Variants in NEURL1 observed in about 807,000 individuals in gnomAD.
NEURL1 encodes the protein E3 ubiquitin-protein ligase NEURL1.
NEURL1 carries 26 observed loss-of-function variants against 41.2 expected under a neutral mutation model. The ratio of observed to expected loss-of-function variants is 0.63; its 90% CI spans 0.46 to 0.87. NEURL1 has a LOEUF of 0.87. NEURL1 is among the 40% of genes least tolerant of loss of function. The probability of loss-of-function intolerance (pLI) is 0.00; values close to 1 mark genes in which losing one functional copy is unlikely to be tolerated. For synonymous variants in NEURL1, 400 were observed against 402.3 expected, an observed-to-expected ratio of 0.99 and a Z score of 0.07; for missense variants, 761 against 871.1, an observed-to-expected ratio of 0.87 and a Z score of 1.59.
intron 3 of NEURL1, 75 bp from the exon 4 acceptor site, chr10:103,584,461 G>A: frequency 1.0e-6 from 1 of 990,806 alleles, no homozygotes; most frequent in Non-Finnish European, 1.3e-6. Flanking sequence ...TGCGCGCGTA[G>A]GGACCGGACA....
intron 1 of NEURL1, among the ~76,000 whole-genome samples, chr10:103,524,504 T>C (rs2034421346): frequency 2.6e-5 from 4 of 152,210 alleles, no homozygotes; most frequent in African/African-American, 7.2e-5. Context: ...AGGTTTTCTT[T>C]ATAAAATCTT....
chr10:103,582,858 A>G (rs1446049150), intron 3 of NEURL1, among the ~76,000 whole-genome samples: 1 of 152,236 alleles, frequency 6.6e-6, no homozygotes, highest in African/African-American at 2.4e-5. Flanking sequence ...AGATTGACTC[A>G]CGCAGAAAGG....
chr10:103,555,841 G>T, intron 1 of NEURL1, among the ~76,000 whole-genome samples: 1 of 152,230 alleles, frequency 6.6e-6, no homozygotes, highest in East Asian at 1.9e-4. Context: ...GAGGGGACCT[G>T]CTTGTCGGCT....
At position 103,558,889 on chromosome 10, in the gene NEURL1, C is replaced by T. The variant is rs115102235; in HGVS notation, c.86-11983C>T. On this transcript the variant is annotated intron_variant, in intron 1 of 5. Coordinates refer to ENST00000369780, the MANE Select transcript of NEURL1 (RefSeq NM_004210.5). This position sits in a 1 kb window ranked among gnomAD's most constrained non-coding sequence, Gnocchi z 4.2. Reference sequence around the variant, plus strand: ...TGACGGCTGATGTGTGGGTGACACACGCACCTGCACCCAGACATTCATGTC... The same window carrying T: ...TGACGGCTGATGTGTGGGTGACACATGCACCTGCACCCAGACATTCATGTC... Among the ~76,000 whole-genome samples, 362 of 152,208 alleles carry T rather than the reference C, an allele frequency of 2.4e-3. 2 individuals are homozygous for T. The highest frequency in any genetic ancestry group is 7.8e-3 in the African/African-American group (323 of 41,516).
At chr10:103,504,909 G>A (rs1051903499) in intron 1 of NEURL1, among the ~76,000 whole-genome samples, 1 of 152,182 alleles carries the variant, frequency 6.6e-6, no homozygotes, top group African/African-American at 2.4e-5. Flanking sequence ...AGTAGGGGTT[G>A]GCCTCAGTTC....
chr10:103,559,106 G>A (rs1027322688), intron 1 of NEURL1, among the ~76,000 whole-genome samples: 4 of 152,112 alleles, frequency 2.6e-5, no homozygotes, highest in East Asian at 3.8e-4. Flanking sequence ...TTCTGCAGCC[G>A]GTCCCCCACT....
chr10:103,524,681 G>A (rs1037357402), intron 1 of NEURL1, among the ~76,000 whole-genome samples: 27 of 152,092 alleles, frequency 1.8e-4, no homozygotes, highest in Non-Finnish European at 4.0e-4. Flanking sequence ...AGTTTTCCTA[G>A]CATCATTTGT....
Position 103,571,564 on chromosome 10 carries a change from T to C in NEURL1, c.391T>C (p.Ser131Pro). The change falls in exon 3 of 6, where the codon TCC (serine) becomes CCC (proline). Residue 131 changes from serine (S) to proline (P), a missense_variant. Transcript: ENST00000369780. ...GCTGGGCTTCACCAGCAAGGACCCGTCCCGCATCCACCCTGACTCGCTGCC... is the reference window on the plus strand; with the variant it reads ...GCTGGGCTTCACCAGCAAGGACCCGCCCCGCATCCACCCTGACTCGCTGCC... ...LRLGFTSKDP[S>P]RIHPDSLPKY... The C allele has an allele frequency of 6.2e-7, 1 of 1,613,034 alleles. No individual in the cohort carries two copies.
intron 1 of NEURL1, among the ~76,000 whole-genome samples, chr10:103,497,157 C>G (rs1218199823): frequency 4.6e-5 from 7 of 152,192 alleles, no homozygotes; most frequent in African/African-American, 1.7e-4. Flanking sequence ...CCTAATAGAG[C>G]CATCACCTTT....
Position 103,571,683 on chromosome 10 carries a change from C to T in NEURL1, c.510C>T (p.Phe170=). 6.2e-7 allele frequency: 1 copy of T among 1,614,232 alleles called. No individual in the cohort carries two copies. The highest frequency in any genetic ancestry group is 8.5e-7 in the Non-Finnish European group (1 of 1,180,022). The part of the protein sequence containing the change: ...EFANEGNIIA[F]WVDKKGRVFH... ...CCAATGAGGGCAACATCATCGCATT[C>T]TGGGTGGACAAGAAGGGCCGTGTCT... is the stretch of plus-strand genomic sequence containing the variant. Residue 170 remains phenylalanine, a synonymous_variant, in exon 3 of 6, where the codon TTC becomes TTT. Transcript: ENST00000369780.
At chr10:103,587,834 T>C (rs2035953641) in intron 4 of NEURL1, among the ~76,000 whole-genome samples, 1 of 152,186 alleles carries the variant, frequency 6.6e-6, no homozygotes, top group Non-Finnish European at 1.5e-5. Context: ...TGGAAAAATA[T>C]TAACACAGTA....
At chr10:103,547,010 C>T (rs2034936571) in intron 1 of NEURL1, among the ~76,000 whole-genome samples, 1 of 152,206 alleles carries the variant, frequency 6.6e-6, no homozygotes, top group Admixed American at 6.5e-5. Context: ...AGGAGTAGCT[C>T]ATCTACAGTG....
At chr10:103,531,256 G>C (rs1262474479) in intron 1 of NEURL1, among the ~76,000 whole-genome samples, 1 of 152,098 alleles carries the variant, frequency 6.6e-6, no homozygotes, top group Non-Finnish European at 1.5e-5. Flanking sequence ...TTGATGAAAT[G>C]TTTTGTAAAT....
At chr10:103,563,851 T>A (rs1038136451) in intron 1 of NEURL1, among the ~76,000 whole-genome samples, 3 of 152,206 alleles carry the variant, frequency 2.0e-5, no homozygotes, top group Non-Finnish European at 4.4e-5. Flanking sequence ...TGGGTTCAGA[T>A]CTGGGCTCCT....
chr10:103,579,464 T>G (rs1446168237), intron 3 of NEURL1, among the ~76,000 whole-genome samples: 2 of 152,142 alleles, frequency 1.3e-5, no homozygotes, highest in African/African-American at 4.8e-5. Flanking sequence ...TTCTAAGTCA[T>G]GGTTATTCCA....
At chr10:103,535,189 G>C (rs1030323245) in intron 1 of NEURL1, among the ~76,000 whole-genome samples, 1 of 152,164 alleles carries the variant, frequency 6.6e-6, no homozygotes, top group Non-Finnish European at 1.5e-5. Flanking sequence ...GTGGGGCACA[G>C]CTGTTGTTTG....
At chr10:103,537,738 A>G (rs1393041482) in intron 1 of NEURL1, among the ~76,000 whole-genome samples, 2 of 152,218 alleles carry the variant, frequency 1.3e-5, no homozygotes, top group Non-Finnish European at 2.9e-5. Context: ...TTATTAAAGT[A>G]TAACTGACAA....
At chr10:103,549,814 C>A (rs1419794932) in intron 1 of NEURL1, among the ~76,000 whole-genome samples, 1 of 152,160 alleles carries the variant, frequency 6.6e-6, no homozygotes, top group Non-Finnish European at 1.5e-5. Flanking sequence ...CCTCCTGATG[C>A]CTGGATTTAT....
At chr10:103,528,200 A>G (rs960382084) in intron 1 of NEURL1, among the ~76,000 whole-genome samples, 3 of 152,206 alleles carry the variant, frequency 2.0e-5, no homozygotes, top group Non-Finnish European at 4.4e-5. Context: ...TACTAAAAAT[A>G]CAAAAATTAG....
Sources: gnomAD v4.1 joint callset for allele counts (sites outside exome capture counted in the v4.1 genomes callset) on GRCh38, gnomAD v4.1.1 for gene constraint, Gnocchi (gnomAD v3.1) non-coding constraint, MANE v1.5 for transcripts, NCBI Gene and HGNC (gene_info 2026-07-23, HGNC 2026-07-21) for gene names.